CSRNP3: variants seen among roughly 807,000 people sequenced by gnomAD.
CSRNP3 encodes the protein cysteine/serine-rich nuclear protein 3.
CSRNP3 carries 12 observed loss-of-function variants against 48.0 expected under a neutral mutation model. The ratio of observed to expected loss-of-function variants is 0.25; its 90% confidence interval spans 0.16 to 0.41. CSRNP3 has a LOEUF of 0.41. Among genes scored for constraint, CSRNP3 ranks in the 10% least tolerant of loss-of-function variants. The probability of loss-of-function intolerance (pLI) is 1.00; values close to 1 mark genes in which losing one functional copy is unlikely to be tolerated. For missense variants in CSRNP3, 580 were observed against 724.4 expected (o/e 0.80, Z 2.29); for synonymous variants, 263 against 269.7 (o/e 0.98, Z 0.24).
chr2:165,513,750 G>A (rs1473407565), intron 2 of CSRNP3, among the ~76,000 whole-genome samples: 1 of 152,190 alleles, frequency 6.6e-6, no homozygotes, highest in African/African-American at 2.4e-5. Context: ...TGAAAACATG[G>A]AAGAGTGCCT....
chr2:165,496,241 A>C (rs759740650), intron 2 of CSRNP3, among the ~76,000 whole-genome samples: 4 of 152,082 alleles, frequency 2.6e-5, no homozygotes, highest in Admixed American at 6.6e-5. Context: ...AAGGGAAAAC[A>C]CAAGAGCTGT....
chr2:165,655,030 A>G (rs1318132960), intron 4 of CSRNP3, among the ~76,000 whole-genome samples: 1 of 152,224 alleles, frequency 6.6e-6, no homozygotes, highest in Non-Finnish European at 1.5e-5. Context: ...ATAACATGAT[A>G]TTAATCATAG....
At position 165,666,410 on chromosome 2, in the gene CSRNP3, AAG is replaced by A. The variant is rs768042164; in HGVS notation, c.408+8399_408+8400del. Among the ~76,000 whole-genome samples, 40 of 75,720 alleles carry A rather than the reference AAG, an allele frequency of 5.3e-4. 10 individuals are homozygous for A. In the East Asian group the frequency reaches 0.017, roughly 32 times the overall value. The allele number at this position is 75,720 out of a possible 152,430, so 49.7% of individuals were successfully genotyped here. A position where few individuals can be genotyped will look rare whatever the true frequency, so the allele number is the denominator to read the frequency against. ...GAGAGAGAAAGGAAGGAAGGGAGGA[AAG>A]AGAGAGAGGAAGAAAGAAAGACAGA... On this transcript the variant is annotated intron_variant, in intron 5 of 6. Coordinates refer to ENST00000651982, the MANE Select transcript of CSRNP3 (RefSeq NM_001172173.2).
At chr2:165,490,374 C>G (rs903194157) in intron 1 of CSRNP3, among the ~76,000 whole-genome samples, 3 of 144,432 alleles carry the variant, frequency 2.1e-5, no homozygotes, top group Non-Finnish European at 4.5e-5. Flanking sequence ...CCATACTGCC[C>G]AAGGTAATTT....
intron 4 of CSRNP3, among the ~76,000 whole-genome samples, chr2:165,609,262 T>C (rs1420634693): frequency 1.3e-5 from 2 of 149,948 alleles, no homozygotes; most frequent in Non-Finnish European, 3.0e-5. Flanking sequence ...GAGACCATCC[T>C]GGCTAACATG....
intron 4 of CSRNP3, among the ~76,000 whole-genome samples, chr2:165,596,749 A>G (rs563250784): frequency 0.013 from 1,985 of 152,286 alleles, 19 homozygotes; most frequent in Middle Eastern, 0.034. Flanking sequence ...TGATAATAAC[A>G]TCATTATCTC....
chr2:165,545,968 T>C (rs1175682756), intron 3 of CSRNP3, among the ~76,000 whole-genome samples: 1 of 152,160 alleles, frequency 6.6e-6, no homozygotes, highest in Non-Finnish European at 1.5e-5. Flanking sequence ...TGATACTAGA[T>C]TGCCTATTAT....
intron 1 of CSRNP3, among the ~76,000 whole-genome samples, chr2:165,489,910 C>G (rs1206188981): frequency 6.7e-6 from 1 of 148,512 alleles, no homozygotes; most frequent in African/African-American, 2.5e-5. Flanking sequence ...CCCTCTCTCA[C>G]CGCTCCTATT....
chr2:165,669,763 C>T (rs1687297571), intron 5 of CSRNP3, among the ~76,000 whole-genome samples: 1 of 152,132 alleles, frequency 6.6e-6, no homozygotes, highest in African/African-American at 2.4e-5. Context: ...CTAAGTCCAT[C>T]TTAAGTGTCA....
chr2:165,615,888 GTT>G (rs957235965), intron 4 of CSRNP3, among the ~76,000 whole-genome samples: 7 of 59,308 alleles, frequency 1.2e-4, no homozygotes, highest in African/African-American at 3.5e-4. Context: ...TGTTTGTGGG[GTT>G]TTTTTTTTTT....
intron 3 of CSRNP3, among the ~76,000 whole-genome samples, chr2:165,592,098 G>A (rs1052654829): frequency 1.3e-5 from 2 of 152,250 alleles, no homozygotes; most frequent in African/African-American, 4.8e-5. Flanking sequence ...CAAGGCTGTG[G>A]GAGACCACCT....
At chr2:165,638,461 C>CA (rs202179325) in intron 4 of CSRNP3, among the ~76,000 whole-genome samples, 130 of 141,128 alleles carry the variant, frequency 9.2e-4, no homozygotes, top group South Asian at 2.6e-3. Context: ...AACTCCATCT[C>CA]AAAAAAAAAA....
intron 6 of CSRNP3, among the ~76,000 whole-genome samples, chr2:165,677,528 C>A (rs2105364381): frequency 6.6e-6 from 1 of 151,080 alleles, no homozygotes; most frequent in African/African-American, 2.4e-5. Context: ...AAGAAGAGGG[C>A]AGTGCCTATC....
intron 3 of CSRNP3, among the ~76,000 whole-genome samples, chr2:165,591,997 C>T (rs1387916795): frequency 1.3e-5 from 2 of 152,304 alleles, no homozygotes; most frequent in South Asian, 2.1e-4. Context: ...TTGCACCATG[C>T]ACCTGGAAAA....
At chr2:165,596,433 A>G (rs909943205) in intron 4 of CSRNP3, among the ~76,000 whole-genome samples, 3 of 152,106 alleles carry the variant, frequency 2.0e-5, no homozygotes, top group African/African-American at 7.2e-5. Context: ...GTAGCAACTC[A>G]AACAACTAAA....
intron 3 of CSRNP3, among the ~76,000 whole-genome samples, chr2:165,518,575 T>A (rs1169717761): frequency 1.3e-5 from 2 of 152,032 alleles, no homozygotes; most frequent in African/African-American, 4.8e-5. Flanking sequence ...CTTATTATAA[T>A]AACAAATTAA....
At chr2:165,580,861 T>G (rs567559408) in intron 3 of CSRNP3, among the ~76,000 whole-genome samples, 449 of 128,824 alleles carry the variant, frequency 3.5e-3, no homozygotes, top group Middle Eastern at 0.012. Context: ...CCATGTGTGT[T>G]TTGTTTTTTT....
intron 5 of CSRNP3, among the ~76,000 whole-genome samples, chr2:165,666,059 GAAGA>G (rs1199680211): frequency 0.097 from 2,558 of 26,362 alleles, 179 homozygotes; most frequent in Non-Finnish European, 0.15. Flanking sequence ...AAAGAGAGAG[GAAGA>G]AAGAAAGAGA....
At chr2:165,630,305 C>A (rs1311659014) in intron 4 of CSRNP3, among the ~76,000 whole-genome samples, 3 of 152,138 alleles carry the variant, frequency 2.0e-5, no homozygotes, top group African/African-American at 7.2e-5. Flanking sequence ...TTAGAATAGC[C>A]ATTTTTATTT....
Sources: gnomAD v4.1 joint callset for allele counts (sites outside exome capture counted in the v4.1 genomes callset) on GRCh38, gnomAD v4.1.1 for gene constraint, MANE v1.5 for transcripts, NCBI Gene and HGNC (gene_info 2026-07-23, HGNC 2026-07-21) for gene names.